Variants in KCNB2 observed in about 807,000 individuals in gnomAD.
The protein encoded by KCNB2 is potassium voltage-gated channel subfamily B member 2.
In KCNB2, 15 loss-of-function variants were observed where a neutral mutation model predicts 61.5. That is an observed-to-expected ratio of 0.24 (90% confidence interval 0.16 to 0.38). The LOEUF is 0.38. Ranked by LOEUF, KCNB2 falls within the 10% of genes least tolerant of loss-of-function variation. The pLI is 1.00. For missense variants in KCNB2, 828 were observed against 1,125.2 expected, an observed-to-expected ratio of 0.74 and a Z score of 3.78; for synonymous variants, 457 against 446.0, an observed-to-expected ratio of 1.02 and a Z score of -0.31.
intron 2 of KCNB2, chr8:72,751,501 G>A (rs986250506): frequency 3.9e-5 from 6 of 152,178 alleles, no homozygotes; most frequent in African/African-American, 7.2e-5. Context: ...CCTATACTGC[G>A]TCTTCTTAAC....
At chr8:72,673,505 T>A (rs1434610684) in intron 2 of KCNB2, among the ~76,000 whole-genome samples, 1 of 152,210 alleles carries the variant, frequency 6.6e-6, no homozygotes, top group Non-Finnish European at 1.5e-5. Flanking sequence ...TGTGAGTCAA[T>A]TAAACCTCTT....
At chr8:72,843,763 G>A (rs1809936889) in intron 2 of KCNB2, among the ~76,000 whole-genome samples, 1 of 152,072 alleles carries the variant, frequency 6.6e-6, no homozygotes, top group African/African-American at 2.4e-5. Context: ...TGCAACCCCT[G>A]CTTTTTTTTG....
At chr8:72,754,933 G>A (rs1808263292) in intron 2 of KCNB2, among the ~76,000 whole-genome samples, 2 of 152,082 alleles carry the variant, frequency 1.3e-5, no homozygotes, top group South Asian at 4.1e-4. Context: ...TGGAAAGGGG[G>A]AGGGATAACT....
chr8:72,889,330 G>A (rs567948847), intron 2 of KCNB2, among the ~76,000 whole-genome samples: 6 of 152,226 alleles, frequency 3.9e-5, no homozygotes, highest in Non-Finnish European at 8.8e-5. Flanking sequence ...CTAGAGGCAC[G>A]TTTTCACACA....
chr8:72,548,479 G>A (rs349352), intron 1 of KCNB2, among the ~76,000 whole-genome samples: 15,974 of 152,120 alleles, frequency 0.11, 985 homozygotes, highest in East Asian at 0.28. Context: ...TTTGTTCTTT[G>A]TTCTGTGTAG....
At chr8:72,561,914 A>T (rs1242747680) in intron 1 of KCNB2, among the ~76,000 whole-genome samples, 2 of 150,578 alleles carry the variant, frequency 1.3e-5, no homozygotes, top group East Asian at 3.9e-4. Context: ...ACATTGATTT[A>T]ATCTTCAGCT....
chr8:72,722,500 G>A (rs1009421739), intron 2 of KCNB2, among the ~76,000 whole-genome samples: 4 of 152,154 alleles, frequency 2.6e-5, no homozygotes, highest in Non-Finnish European at 5.9e-5. Context: ...CCTCTGCTCA[G>A]ACTGCTCTTA....
intron 2 of KCNB2, among the ~76,000 whole-genome samples, chr8:72,845,477 T>A (rs1214057426): frequency 6.6e-6 from 1 of 152,228 alleles, no homozygotes; most frequent in African/African-American, 2.4e-5. Flanking sequence ...TGCTGGGACA[T>A]CCACTGCTCT....
chr8:72,802,365 A>G (rs1016982159), intron 2 of KCNB2, among the ~76,000 whole-genome samples: 2 of 152,224 alleles, frequency 1.3e-5, no homozygotes, highest in Non-Finnish European at 2.9e-5. Context: ...TCTTCAGTCT[A>G]TAAAGTCACA....
At chr8:72,782,083 C>T (rs1454108908) in intron 2 of KCNB2, among the ~76,000 whole-genome samples, 1 of 152,026 alleles carries the variant, frequency 6.6e-6, no homozygotes, top group Non-Finnish European at 1.5e-5. Context: ...AACAAACATG[C>T]ACATCCTGCA....
chr8:72,872,634 T>C (rs1013010244), intron 2 of KCNB2, among the ~76,000 whole-genome samples: 4 of 152,188 alleles, frequency 2.6e-5, no homozygotes, highest in African/African-American at 9.6e-5. Context: ...TAACAGTTAA[T>C]GAGAGCAAGA....
intron 2 of KCNB2, among the ~76,000 whole-genome samples, chr8:72,629,013 T>C (rs1805838302): frequency 6.6e-6 from 1 of 152,170 alleles, no homozygotes; most frequent in African/African-American, 2.4e-5. Context: ...CTAATATAAC[T>C]GAGGAGTGTC....
chr8:72,662,198 C>T (rs1806393167), intron 2 of KCNB2, among the ~76,000 whole-genome samples: 1 of 152,188 alleles, frequency 6.6e-6, no homozygotes, highest in Non-Finnish European at 1.5e-5. Flanking sequence ...GCACTACTGC[C>T]TCCTGGCATT....
chr8:72,820,870 G>A lies in KCNB2; in HGVS notation c.580-115065G>A, dbSNP rs919008805. On this transcript the variant is annotated intron_variant, in intron 2 of 2. Coordinates refer to ENST00000523207, the MANE Select transcript of KCNB2 (RefSeq NM_004770.3). ...CCATAAGTTCACTGGTTCTGCTAGT[G>A]TCTTCTGAACATTCTTTCTTTCCTT... is the stretch of plus-strand genomic sequence containing the variant. Among the ~76,000 whole-genome samples the A allele has an allele frequency of 3.3e-5, 5 of 152,206 alleles. No individual in the cohort carries two copies. The South Asian group carries it at 8.3e-4, about 25-fold the overall frequency.
intron 2 of KCNB2, among the ~76,000 whole-genome samples, chr8:72,776,899 G>A (rs1194601315): frequency 6.6e-6 from 1 of 152,130 alleles, no homozygotes; most frequent in Non-Finnish European, 1.5e-5. Flanking sequence ...AAATGAGAGG[G>A]TTCAATGACT....
chr8:72,851,845 A>AAAAAAAAAAAC (rs1563404693), intron 2 of KCNB2, among the ~76,000 whole-genome samples: 6 of 147,910 alleles, frequency 4.1e-5, no homozygotes, highest in African/African-American at 1.3e-4. Flanking sequence ...AAAAAAAAAA[A>AAAAAAAAAAAC]AAACACGTAC....
intron 2 of KCNB2, among the ~76,000 whole-genome samples, chr8:72,883,671 C>A (rs756865272): frequency 9.9e-5 from 15 of 152,162 alleles, no homozygotes; most frequent in Non-Finnish European, 1.8e-4. Context: ...CAATCCCATT[C>A]TCTTTAACTT....
chr8:72,822,961 C>G (rs1425556342), intron 2 of KCNB2, among the ~76,000 whole-genome samples: 1 of 152,040 alleles, frequency 6.6e-6, no homozygotes, highest in Non-Finnish European at 1.5e-5. Context: ...GACCCCTCCC[C>G]ACCCAACCCC....
chr8:72,759,636 A>C (rs1563582255), intron 2 of KCNB2, among the ~76,000 whole-genome samples: 1 of 152,214 alleles, frequency 6.6e-6, no homozygotes, highest in Non-Finnish European at 1.5e-5. Context: ...AACCATTAAA[A>C]GTAATAGAAA....
Sources: gnomAD v4.1 joint callset for allele counts (sites outside exome capture counted in the v4.1 genomes callset) on GRCh38, gnomAD v4.1.1 for gene constraint, MANE v1.5 for transcripts, NCBI Gene and HGNC (gene_info 2026-07-23, HGNC 2026-07-21) for gene names.